ARMH3: variants seen among roughly 807,000 people sequenced by gnomAD.
ARMH3 encodes the protein armadillo like helical domain containing 3.
ARMH3 carries 60 observed loss-of-function variants against 99.1 expected under a neutral mutation model. That is an observed-to-expected ratio of 0.61 (90% confidence interval 0.49 to 0.75). The LOEUF is 0.75. ARMH3 is among the 30% of genes least tolerant of loss of function. The pLI, the probability that ARMH3 is intolerant of heterozygous loss-of-function variation, is 0.00. For missense variants in ARMH3, 679 were observed against 843.1 expected, an observed-to-expected ratio of 0.81 and a Z score of 2.41; for synonymous variants, 285 against 292.8, an observed-to-expected ratio of 0.97 and a Z score of 0.27.
chr10:102,055,905 TC>T (rs1408223650), intron 1 of ARMH3, among the ~76,000 whole-genome samples, 179 bp downstream of exon 1: 4 of 151,876 alleles, frequency 2.6e-5, no homozygotes, highest in African/African-American at 9.7e-5. Flanking sequence ...GGCCCAGCCC[TC>T]CCCGGCATAC....
chr10:102,040,711 C>T (rs1246925006), intron 1 of ARMH3, among the ~76,000 whole-genome samples: 2 of 152,124 alleles, frequency 1.3e-5, no homozygotes, highest in African/African-American at 2.4e-5. Context: ...AAAAGTGTAA[C>T]TCGCTCCATC....
intron 23 of ARMH3, among the ~76,000 whole-genome samples, chr10:101,920,801 A>T (rs181007001): frequency 6.6e-6 from 1 of 152,366 alleles, no homozygotes; most frequent in East Asian, 1.9e-4. Context: ...ACAATGGAAC[A>T]TTATTCAGCC....
chr10:101,980,116 G>C (rs1846163241), intron 19 of ARMH3, among the ~76,000 whole-genome samples: 1 of 152,164 alleles, frequency 6.6e-6, no homozygotes, highest in African/African-American at 2.4e-5. Context: ...AAAAGGTTTA[G>C]AAGAAACTGT....
In ARMH3 at chr10:102,006,526, G is replaced by C. The variant is rs373424145; in HGVS notation, c.1048+14C>G. 112 of 1,607,930 alleles carry C rather than the reference G, an allele frequency of 7.0e-5. No individual in the cohort carries two copies. Among genetic ancestry groups the C allele is most frequent in the Non-Finnish European group, 9.4e-5 (111 of 1,174,632 alleles). The stretch of plus-strand genomic sequence containing the variant: ...TCATATTAACCAAGAAAAACAAAGT[G>C]GTGGTGGGCTCACCATCAGAGGAAG... On this transcript the variant is annotated intron_variant, in intron 14 of 25. Transcript: ENST00000370033.
chr10:101,991,686 T>A (rs1846803188), intron 18 of ARMH3, among the ~76,000 whole-genome samples: 1 of 152,152 alleles, frequency 6.6e-6, no homozygotes, highest in Admixed American at 6.6e-5. Flanking sequence ...CAGCCTGAAA[T>A]CTTGATCATG....
chr10:101,852,882 T>A (rs2066637738), intron 24 of ARMH3, among the ~76,000 whole-genome samples: 1 of 151,142 alleles, frequency 6.6e-6, no homozygotes, highest in South Asian at 2.1e-4. Flanking sequence ...CCGTGGCCCT[T>A]TCTTTTTTTT....
chr10:101,873,377 A>G (rs1332872764), intron 24 of ARMH3, among the ~76,000 whole-genome samples: 1 of 152,106 alleles, frequency 6.6e-6, no homozygotes, highest in African/African-American at 2.4e-5. Context: ...GCGCCACTGC[A>G]CTCCAGCCTG....
At position 101,889,617 on chromosome 10, in the gene ARMH3, T is replaced by C. The variant is rs953118127; in HGVS notation, c.1782-127A>G. 32 of 837,248 alleles carry C rather than the reference T, an allele frequency of 3.8e-5. No individual in the cohort carries two copies. In the African/African-American group the frequency reaches 4.3e-4, roughly 11 times the overall value. 51.9% of individuals were successfully genotyped at this position (837,248 alleles called of 1,614,324 possible). On this transcript the variant is annotated intron_variant, in intron 23 of 25. Coordinates refer to ENST00000370033, the MANE Select transcript of ARMH3 (RefSeq NM_024541.3). ...ATGGGACCGATTGTGACTGGGTAAC[T>C]TCCTCTTATTGAACATGAGGTAGTC...
chr10:101,872,695 T>A (rs1306517909), intron 24 of ARMH3, among the ~76,000 whole-genome samples: 1 of 152,054 alleles, frequency 6.6e-6, no homozygotes. Context: ...TGGTGGCTCA[T>A]CCCTGTAATC....
At chr10:102,005,360 A>G (rs2066458786) in intron 14 of ARMH3, among the ~76,000 whole-genome samples, 2 of 149,674 alleles carry the variant, frequency 1.3e-5, no homozygotes, top group South Asian at 4.3e-4. Flanking sequence ...TCTAGCCTAA[A>G]TGACAGCAAG....
At chr10:101,856,579 C>A (rs563267875) in intron 24 of ARMH3, among the ~76,000 whole-genome samples, 81 of 151,942 alleles carry the variant, frequency 5.3e-4, no homozygotes, top group African/African-American at 2.0e-3. Context: ...AAAAAAAAAT[C>A]TCTGGATGAC....
intron 24 of ARMH3, among the ~76,000 whole-genome samples, chr10:101,873,914 T>G (rs1240542397): frequency 6.6e-6 from 1 of 152,220 alleles, no homozygotes; most frequent in East Asian, 1.9e-4. Flanking sequence ...GTTTCTACTT[T>G]TTGGTCATCC....
chr10:101,976,737 A>G (rs910797645), intron 19 of ARMH3, among the ~76,000 whole-genome samples: 22 of 152,256 alleles, frequency 1.4e-4, no homozygotes, highest in African/African-American at 4.6e-4. Context: ...AATAAAATCT[A>G]TTAAAAAATT....
At chr10:101,849,004 T>C (rs2066523554) in intron 25 of ARMH3, among the ~76,000 whole-genome samples, 1 of 152,096 alleles carries the variant, frequency 6.6e-6, no homozygotes, top group Admixed American at 6.6e-5. Flanking sequence ...AGACAAACGA[T>C]CTAATACGCA....
Position 102,029,677 on chromosome 10 carries a change from G to C in ARMH3, c.375C>G (p.Asn125Lys), listed in dbSNP as rs750036638. ...CCGCCTTGTCAAAGCCCATCAGCATGTTGATAATGTCAAACCCAGAGGTAG... is the reference window on the plus strand; with the variant it reads ...CCGCCTTGTCAAAGCCCATCAGCATCTTGATAATGTCAAACCCAGAGGTAG... ...NKSTSGFDII[N>K]MLMGFDKAEL... is the part of the protein sequence containing the mutation. The change falls in exon 5 of 26, where the codon AAC becomes AAG. Residue 125 changes from asparagine to lysine, a missense_variant. By Grantham distance (94) the Asn-to-Lys change is moderately conservative. Transcript: ENST00000370033. 6.2e-7 allele frequency: 1 copy of C among 1,614,210 alleles called. No homozygotes were observed. Among genetic ancestry groups the C allele is most frequent in the Non-Finnish European group, 8.5e-7 (1 of 1,180,040 alleles).
At chr10:101,874,442 G>A (rs2135380668) in intron 24 of ARMH3, among the ~76,000 whole-genome samples, 1 of 152,190 alleles carries the variant, frequency 6.6e-6, no homozygotes, top group African/African-American at 2.4e-5. Flanking sequence ...TTTCAACAAT[G>A]CTAATGAGTC....
intron 20 of ARMH3, among the ~76,000 whole-genome samples, chr10:101,971,467 G>A (rs1210852879): frequency 6.6e-6 from 1 of 151,886 alleles, no homozygotes; most frequent in South Asian, 2.1e-4. Context: ...GCTACTTGGG[G>A]CAGGAGCTGA....
chr10:102,045,235 G>C (rs1208893380), intron 1 of ARMH3, among the ~76,000 whole-genome samples: 1 of 150,710 alleles, frequency 6.6e-6, no homozygotes, highest in Admixed American at 6.6e-5. Context: ...AATTTTTTTT[G>C]AGTACCTTTT....
intron 24 of ARMH3, 24 bp from the exon 25 acceptor site, chr10:101,849,916 A>AG: frequency 6.2e-7 from 1 of 1,604,978 alleles, no homozygotes; most frequent in Middle Eastern, 1.7e-4. Flanking sequence ...AGGGCCAGGC[A>AG]GGGCTTAGGC....
Sources: allele counts gnomAD v4.1 joint callset (sites outside exome capture counted in the v4.1 genomes callset), GRCh38; gene constraint gnomAD v4.1.1; transcripts MANE v1.5; gene names NCBI Gene and HGNC (gene_info 2026-07-23, HGNC 2026-07-21).